C2CD2: variants seen among roughly 807,000 people sequenced by gnomAD.
C2CD2 encodes the protein C2 calcium dependent domain containing 2.
A neutral mutation model predicts 74.3 loss-of-function variants in C2CD2; 43 were observed. The ratio of observed to expected loss-of-function variants is 0.58; its 90% CI spans 0.45 to 0.75. C2CD2 has a LOEUF of 0.75. Among genes scored for constraint, C2CD2 ranks in the 30% least tolerant of loss-of-function variants. The pLI, the probability that C2CD2 is intolerant of heterozygous loss-of-function variation, is 0.00. For missense variants in C2CD2, 801 were observed against 916.3 expected, an observed-to-expected ratio of 0.87 and a Z score of 1.63; for synonymous variants, 422 against 390.7, an observed-to-expected ratio of 1.08 and a Z score of -0.94.
rs2065389655 is a variant in C2CD2 at position 41,945,315 on chromosome 21, T to C, written c.280-3070A>G. ...CACACGTTGGTATACACACGTATGT[T>C]TGCTATTGCTGAACACTGAAGGGGA... On this transcript the variant is annotated intron_variant, in intron 1 of 13. Coordinates refer to ENST00000380486, the MANE Select transcript of C2CD2 (RefSeq NM_015500.2). The surrounding 1 kb of genome is among the most constrained non-coding windows in gnomAD (Gnocchi z 4.2). Among the ~76,000 whole-genome samples the C allele has an allele frequency of 6.6e-6, 1 of 152,106 alleles. No homozygotes were observed. The highest frequency in any genetic ancestry group is 6.5e-5 in the Admixed American group (1 of 15,268).
chr21:41,933,502 G>T (rs192849890), intron 2 of C2CD2, among the ~76,000 whole-genome samples: 1 of 152,210 alleles, frequency 6.6e-6, no homozygotes, highest in African/African-American at 2.4e-5. Context: ...ATTAAGCAGT[G>T]TCTCACCCTG....
At position 41,903,370 on chromosome 21, in the gene C2CD2, T is replaced by A. The variant is rs1464418135; in HGVS notation, c.1433-1621A>T. ...GGGGACCCACTATTTGCACCTGACATCTAAAGTGGAAGGGTGGTTTTGTGG... is the reference window on the plus strand; with the variant it reads ...GGGGACCCACTATTTGCACCTGACAACTAAAGTGGAAGGGTGGTTTTGTGG... On this transcript the variant is annotated intron_variant, in intron 11 of 13. Coordinates refer to ENST00000380486, the MANE Select transcript of C2CD2 (RefSeq NM_015500.2). This position sits in a 1 kb window ranked among gnomAD's most constrained non-coding sequence, Gnocchi z 4.5. Among the ~76,000 whole-genome samples, 1 of 152,160 alleles carries A rather than the reference T, an allele frequency of 6.6e-6. No individual in the cohort carries two copies. Among genetic ancestry groups the A allele is most frequent in the Admixed American group, 6.5e-5 (1 of 15,274 alleles).
At chr21:41,947,670 C>T (rs984431555) in intron 1 of C2CD2, among the ~76,000 whole-genome samples, 3 of 152,194 alleles carry the variant, frequency 2.0e-5, no homozygotes, top group Non-Finnish European at 4.4e-5. Context: ...GAGCAGCCCA[C>T]CTTTATTGTC....
In C2CD2 at chr21:41,912,405, C is replaced by T. The variant is rs1380087553; in HGVS notation, c.880G>A (p.Asp294Asn). The change falls in exon 7 of 14, where the codon GAT becomes AAT. Residue 294 changes from aspartate (D) to asparagine (N), a missense_variant. By Grantham distance (23) the Asp-to-Asn change is conservative (BLOSUM62 1). Coordinates refer to ENST00000380486, the MANE Select transcript of C2CD2 (RefSeq NM_015500.2). ...GTGCTGGAGAACCTCTGAACAGGAT[C>T]GTTCAGCTGCACGACGCACACTGCA... ...INAVCVVQLN[D>N]PVQRFSSTLT... 8 of 1,612,594 alleles carry T rather than the reference C, an allele frequency of 5.0e-6. No homozygotes were observed. The highest frequency in any genetic ancestry group is 3.3e-5 in the Admixed American group (2 of 59,962).
At chr21:41,901,297 C>T (rs770794095) in intron 12 of C2CD2, 12 of 379,584 alleles carry the variant, frequency 3.2e-5, no homozygotes, top group Admixed American at 7.9e-5. Flanking sequence ...TGGGTGGTGA[C>T]GAGAGCAGAG....
rs2064677070 is a variant in C2CD2 at position 41,885,804 on chromosome 21, T to TAAA, written c.*3317_*3319dup. On this transcript the variant is annotated 3_prime_UTR_variant, in exon 14 of 14. Transcript: ENST00000380486. ...AACTCTCGTCTATAGAGGTGGCCAGTAAAACCCAAGCAAAAATCTAAACGG... is the reference window on the plus strand; with the variant it reads ...AACTCTCGTCTATAGAGGTGGCCAGTAAAAAAACCCAAGCAAAAATCTAAACGG... 6.6e-6 allele frequency: 1 copy of TAAA among 152,266 alleles called. No individual in the cohort carries two copies. Among genetic ancestry groups the TAAA allele is most frequent in the Non-Finnish European group, 1.5e-5 (1 of 68,044 alleles). 9.4% of individuals were successfully genotyped at this position (152,266 alleles called of 1,614,324 possible).
At position 41,929,924 on chromosome 21, in the gene C2CD2, CTTCT is replaced by C. The variant is rs1420473099; in HGVS notation, c.379-7843_379-7840del. 1.3e-5 allele frequency among the ~76,000 whole-genome samples: 2 copies of C among 152,218 alleles called. No individual in the cohort carries two copies. Among genetic ancestry groups the C allele is most frequent in the East Asian group, 3.9e-4 (2 of 5,186 alleles). ...AAGCTTAGCTTAGGGGAAGAACAGG[CTTCT>C]GCCTTAAGGGTACCCCTTTGCTTTT... On this transcript the variant is annotated intron_variant, in intron 2 of 13. Transcript: ENST00000380486. The surrounding 1 kb of genome is among the most constrained non-coding windows in gnomAD (Gnocchi z 4.6).
At chr21:41,897,179 G>A (rs529054316) in intron 13 of C2CD2, among the ~76,000 whole-genome samples, 3 of 152,334 alleles carry the variant, frequency 2.0e-5, no homozygotes, top group East Asian at 3.9e-4. Context: ...AAGACCTCCC[G>A]GAAGGGAAAC....
At chr21:41,908,442 G>A (rs2064990911) in intron 8 of C2CD2, 1 of 152,752 alleles carries the variant, frequency 6.5e-6, no homozygotes, top group South Asian at 2.1e-4. Flanking sequence ...AACGAAATTT[G>A]AGTGAGGCCA....
At position 41,907,123 on chromosome 21, in the gene C2CD2, G is replaced by A. The variant is rs769308289; in HGVS notation, c.1187C>T (p.Pro396Leu). Residue 396 changes from proline to leucine, a missense_variant, in exon 10 of 14, where the codon CCT becomes CTT. Physicochemically the swap from Pro to Leu is moderately conservative, Grantham distance 98. Transcript: ENST00000380486. ...EPGELKSWPI[P>L]PPVPAAKIEK... ...TATTTTTGCAGCAGGAACAGGGGGAGGGATGGGCCAGGATTTCAATTCACC... is the reference window on the plus strand; with the variant it reads ...TATTTTTGCAGCAGGAACAGGGGGAAGGATGGGCCAGGATTTCAATTCACC... The A allele has an allele frequency of 6.2e-7, 1 of 1,613,936 alleles. No individual in the cohort carries two copies. Among genetic ancestry groups the A allele is most frequent in the Non-Finnish European group, 8.5e-7 (1 of 1,179,892 alleles).
At chr21:41,947,983 A>G (rs1407133685) in intron 1 of C2CD2, among the ~76,000 whole-genome samples, 2 of 152,200 alleles carry the variant, frequency 1.3e-5, no homozygotes, top group Non-Finnish European at 2.9e-5. Context: ...TGTGAACGCT[A>G]CACCCACACT....
intron 2 of C2CD2, among the ~76,000 whole-genome samples, chr21:41,925,736 G>A (rs1390310796): frequency 6.6e-6 from 1 of 152,210 alleles, no homozygotes; most frequent in African/African-American, 2.4e-5. Flanking sequence ...GCCCCCACGG[G>A]CTGAAAGGGG....
intron 7 of C2CD2, among the ~76,000 whole-genome samples, chr21:41,910,616 G>A (rs991510917): frequency 1.3e-5 from 2 of 151,898 alleles, no homozygotes. Context: ...TCTGGCTTTT[G>A]TATTTCCAGT....
rs1235469824 is a variant in C2CD2 at position 41,924,795 on chromosome 21, C to T, written c.379-2710G>A. Among the ~76,000 whole-genome samples, 1 of 152,122 alleles carries T rather than the reference C, an allele frequency of 6.6e-6. No individual in the cohort carries two copies. The highest frequency in any genetic ancestry group is 1.5e-5 in the Non-Finnish European group (1 of 68,030). On this transcript the variant is annotated intron_variant, in intron 2 of 13. Coordinates refer to ENST00000380486, the MANE Select transcript of C2CD2 (RefSeq NM_015500.2). This position sits in a 1 kb window ranked among gnomAD's most constrained non-coding sequence, Gnocchi z 4.4. ...TCTACTAAGCTAATCAGCATTGTACCAAGAAAACAGACTCAGAGCCTCAAC... is the reference window on the plus strand; with the variant it reads ...TCTACTAAGCTAATCAGCATTGTACTAAGAAAACAGACTCAGAGCCTCAAC...
chr21:41,916,633 C>T (rs1035523077), intron 5 of C2CD2, among the ~76,000 whole-genome samples: 1 of 149,976 alleles, frequency 6.7e-6, no homozygotes, highest in East Asian at 2.0e-4. Flanking sequence ...GATCTCAGGA[C>T]GTACCAGCCT....
intron 2 of C2CD2, among the ~76,000 whole-genome samples, chr21:41,937,749 A>T (rs1266012018): frequency 3.9e-5 from 6 of 152,246 alleles, no homozygotes; most frequent in Non-Finnish European, 5.9e-5. Flanking sequence ...AATGTGGCAG[A>T]TATACACAAT....
intron 13 of C2CD2, 96 bp from the exon 14 acceptor site, chr21:41,889,440 C>A (rs1166599852): frequency 7.4e-6 from 6 of 811,992 alleles, no homozygotes; most frequent in Non-Finnish European, 1.2e-5. Flanking sequence ...GGCTCGAATG[C>A]CTCTAACGAA....
At position 41,932,446 on chromosome 21, in the gene C2CD2, A is replaced by G. The variant is rs1313832887; in HGVS notation, c.378+9701T>C. Among the ~76,000 whole-genome samples the G allele has an allele frequency of 7.6e-5, 2 of 26,170 alleles. 1 individual carries two copies. Among genetic ancestry groups the G allele is most frequent in the Non-Finnish European group, 2.0e-4 (2 of 10,154 alleles). The allele number at this position is 26,170 out of a possible 152,430, so 17.2% of individuals were successfully genotyped here. A position where few individuals can be genotyped will look rare whatever the true frequency, so the allele number is the denominator to read the frequency against. On this transcript the variant is annotated intron_variant, in intron 2 of 13. Coordinates refer to ENST00000380486, the MANE Select transcript of C2CD2 (RefSeq NM_015500.2). Reference sequence around the variant, plus strand: ...TGGGTTGGGGAAGTCTGCCATCTACAGATAGTCAGAAGAACGGGGGCAACC... The same window carrying G: ...TGGGTTGGGGAAGTCTGCCATCTACGGATAGTCAGAAGAACGGGGGCAACC...
In C2CD2 at chr21:41,909,561, C is replaced by G. The variant is rs373695144; in HGVS notation, c.954-38G>C. ...AACAAGTTATGAGTCCTAAAAAATG[C>G]AATGCTTGATTCTTTTTATGAAATA... On this transcript the variant is annotated intron_variant, in intron 7 of 13. Transcript: ENST00000380486. 7.5e-6 allele frequency: 10 copies of G among 1,326,930 alleles called. No individual in the cohort carries two copies. In the Admixed American group the frequency reaches 1.7e-4, roughly 22 times the overall value. 82.2% of individuals were successfully genotyped at this position (1,326,930 alleles called of 1,614,324 possible). A position where few individuals can be genotyped will look rare whatever the true frequency, so the allele number is the denominator to read the frequency against.
Sources: gnomAD v4.1 joint callset for allele counts (sites outside exome capture counted in the v4.1 genomes callset) on GRCh38, gnomAD v4.1.1 for gene constraint, Gnocchi (gnomAD v3.1) non-coding constraint, MANE v1.5 for transcripts, NCBI Gene and HGNC (gene_info 2026-07-23, HGNC 2026-07-21) for gene names.